Variants in PTPRE observed in about 807,000 individuals in gnomAD.
The protein encoded by PTPRE is receptor-type tyrosine-protein phosphatase epsilon.
Under a neutral mutation model 102.0 loss-of-function variants are expected in PTPRE, and 51 were observed. The observed-to-expected ratio is 0.50, with a 90% confidence interval of 0.40 to 0.63. The LOEUF is 0.63. Among genes scored for constraint, PTPRE ranks in the 30% least tolerant of loss-of-function variants. PTPRE has a pLI of 0.00. For synonymous variants in PTPRE, 345 were observed against 348.2 expected (o/e 0.99, Z 0.10); for missense variants, 752 against 915.1 (o/e 0.82, Z 2.30).
At chr10:127,963,583 G>A (rs986937716) in intron 1 of PTPRE, among the ~76,000 whole-genome samples, 28 of 152,150 alleles carry the variant, frequency 1.8e-4, no homozygotes, top group Non-Finnish European at 1.3e-4. Context: ...TTGAGACATC[G>A]AAAGTGGGCA....
chr10:128,056,169 A>G lies in PTPRE; in HGVS notation c.467A>G (p.Lys156Arg). 1.2e-6 allele frequency: 2 copies of G among 1,613,176 alleles called. No individual in the cohort carries two copies. Among genetic ancestry groups the G allele is most frequent in the Non-Finnish European group, 1.7e-6 (2 of 1,179,182 alleles). ...CAAGGAACTTTTGAACTGGCAAATA[A>G]AGAAGAAAACAGAGAAAAAAACAGA... is the stretch of plus-strand genomic sequence containing the variant. ...HIQGTFELAN[K>R]EENREKNRYP... The change falls in exon 7 of 21, where the codon AAA (lysine) becomes AGA (arginine). Residue 156 changes from lysine to arginine, a missense_variant. By Grantham distance (26) the Lys-to-Arg change is conservative. This residue lies in a region of PTPRE where 636 missense variants were observed against 824.4 expected (regional missense o/e 0.77). Coordinates refer to ENST00000254667, the MANE Select transcript of PTPRE (RefSeq NM_006504.6).
chr10:127,986,734 A>T (rs1023324811), intron 2 of PTPRE, among the ~76,000 whole-genome samples: 1 of 152,206 alleles, frequency 6.6e-6, no homozygotes, highest in Non-Finnish European at 1.5e-5. Context: ...TTTAAAATAA[A>T]GCTCAGGGTT....
At chr10:128,048,879 T>A (rs11016037) in intron 5 of PTPRE, among the ~76,000 whole-genome samples, 96,065 of 151,960 alleles carry the variant, frequency 0.63, 31,156 homozygotes, top group Admixed American at 0.71. Flanking sequence ...GTTGACCTTG[T>A]CAATATCAGC....
chr10:128,046,823 C>G (rs1435588010), intron 3 of PTPRE, among the ~76,000 whole-genome samples: 2 of 152,160 alleles, frequency 1.3e-5, no homozygotes, highest in African/African-American at 4.8e-5. Flanking sequence ...CTGTCAGGTA[C>G]AAAGGACACA....
intron 12 of PTPRE, chr10:128,069,153 G>T (rs1850536681): frequency 6.5e-6 from 1 of 152,782 alleles, no homozygotes; most frequent in Admixed American, 6.5e-5. Context: ...TCGCTTGCTG[G>T]GGCCAAGCAG....
In PTPRE at chr10:127,987,374, C is replaced by T. The variant is rs1253057505; in HGVS notation, c.-8+5078C>T. 7 of 1,280,942 alleles carry T rather than the reference C, an allele frequency of 5.5e-6. 1 individual carries two copies. Among genetic ancestry groups the T allele is most frequent in the African/African-American group, 4.6e-5 (3 of 65,632 alleles). The allele number at this position is 1,280,942 out of a possible 1,614,324, so 79.3% of individuals were successfully genotyped here. ...CTCCAAGGCCAGGATGGTTTCCCAG[C>T]GTCTTCCCAGGAAGACAAGAGGTAA... On this transcript the variant is annotated intron_variant, in intron 2 of 20. Transcript: ENST00000254667.
intron 2 of PTPRE, among the ~76,000 whole-genome samples, chr10:127,993,401 C>T (rs545589616): frequency 6.3e-4 from 96 of 152,218 alleles, no homozygotes; most frequent in African/African-American, 2.2e-3. Context: ...GTGGGGCCAC[C>T]GCAGAGGGAC....
chr10:127,994,006 A>T (rs1852982672), intron 2 of PTPRE, among the ~76,000 whole-genome samples: 1 of 152,106 alleles, frequency 6.6e-6, no homozygotes, highest in African/African-American at 2.4e-5. Context: ...GAGGGGTCAT[A>T]CCCCGGCACA....
intron 1 of PTPRE, among the ~76,000 whole-genome samples, chr10:127,927,982 A>G (rs1172970444): frequency 2.0e-5 from 3 of 152,352 alleles, no homozygotes; most frequent in South Asian, 4.1e-4. Flanking sequence ...AGAAATCATC[A>G]TCGTGTTTTG....
At chr10:127,969,809 G>C (rs778479318) in intron 1 of PTPRE, among the ~76,000 whole-genome samples, 1 of 152,148 alleles carries the variant, frequency 6.6e-6, no homozygotes, top group Non-Finnish European at 1.5e-5. Context: ...CATGGTGAAC[G>C]TGAACTCTGT....
chr10:128,072,430 A>C, intron 16 of PTPRE: 1 of 457,774 alleles, frequency 2.2e-6, no homozygotes, highest in Non-Finnish European at 3.9e-6. Context: ...AGGCGGGCAG[A>C]TCACTTGGGG....
rs1425830099 is a variant in PTPRE at position 127,944,490 on chromosome 10, G to A, written c.-31+37181G>A. Among the ~76,000 whole-genome samples, 1 of 86,660 alleles carries A rather than the reference G, an allele frequency of 1.2e-5. No homozygotes were observed. The highest frequency in any genetic ancestry group is 4.1e-4 in the East Asian group (1 of 2,414). The allele number at this position is 86,660 out of a possible 152,430, so 56.9% of individuals were successfully genotyped here. ...CAGACGGATGGATGGATGGATGGAT[G>A]GATGGATGGATGGATGGATGGATGG... On this transcript the variant is annotated intron_variant, in intron 1 of 20. Transcript: ENST00000254667. The surrounding 1 kb of genome is among the most constrained non-coding windows in gnomAD (Gnocchi z 4.2).
intron 3 of PTPRE, among the ~76,000 whole-genome samples, chr10:128,041,531 C>T (rs1847697754): frequency 6.6e-6 from 1 of 150,936 alleles, no homozygotes; most frequent in South Asian, 2.1e-4. Flanking sequence ...GCCTGTAGTC[C>T]CAGCCACTCG....
chr10:128,023,764 T>C (rs533144992), intron 2 of PTPRE, among the ~76,000 whole-genome samples: 13 of 152,360 alleles, frequency 8.5e-5, no homozygotes, highest in African/African-American at 2.4e-4. Context: ...GAGGGCAGTG[T>C]CCTTGGTGTC....
At chr10:128,046,953 A>G (rs1232347564) in intron 3 of PTPRE, among the ~76,000 whole-genome samples, 1 of 152,172 alleles carries the variant, frequency 6.6e-6, no homozygotes, top group Non-Finnish European at 1.5e-5. Flanking sequence ...CCCCAGGGCC[A>G]GGCCGCCTCC....
intron 1 of PTPRE, among the ~76,000 whole-genome samples, chr10:127,974,071 AC>A (rs1850963422): frequency 6.6e-6 from 1 of 152,148 alleles, no homozygotes; most frequent in East Asian, 1.9e-4. Context: ...ACAGTGACCT[AC>A]TTTGCAGAGA....
In PTPRE at chr10:127,960,555, C is replaced by T. The variant is rs115647515; in HGVS notation, c.-30-21719C>T. Reference sequence around the variant, plus strand: ...GTCTGACCGTTCCCTGCAGCTTTACCTGGTTCTCTGTGAGCCTGAGCACTT... The same window carrying T: ...GTCTGACCGTTCCCTGCAGCTTTACTTGGTTCTCTGTGAGCCTGAGCACTT... On this transcript the variant is annotated intron_variant, in intron 1 of 20. Coordinates refer to ENST00000254667, the MANE Select transcript of PTPRE (RefSeq NM_006504.6). Among the ~76,000 whole-genome samples the T allele has an allele frequency of 2.0e-3, 309 of 152,264 alleles. 1 individual carries two copies. The highest frequency in any genetic ancestry group is 7.3e-3 in the African/African-American group (303 of 41,548).
At chr10:128,078,396 C>G (rs1851415849) in intron 19 of PTPRE, among the ~76,000 whole-genome samples, 1 of 152,280 alleles carries the variant, frequency 6.6e-6, no homozygotes, top group Admixed American at 6.5e-5. Context: ...TGGCCACCCA[C>G]TTGCCTGCCT....
At chr10:128,072,687 G>GGA (rs1850887926) in intron 16 of PTPRE, 1 of 144,938 alleles carries the variant, frequency 6.9e-6, no homozygotes. Context: ...AAAAAAAGTG[G>GGA]ACTTTGGAAA....
Sources: gnomAD v4.1 joint callset for allele counts (sites outside exome capture counted in the v4.1 genomes callset) on GRCh38, gnomAD v4.1.1 for gene constraint, gnomAD v4.1.1 regional missense constraint, Gnocchi (gnomAD v3.1) non-coding constraint, MANE v1.5 for transcripts, NCBI Gene and HGNC (gene_info 2026-07-23, HGNC 2026-07-21) for gene names.